Variants in ATF2 observed in about 807,000 individuals in gnomAD.
The protein encoded by ATF2 is activating transcription factor 2, also known as cyclic AMP-dependent transcription factor ATF-2.
A neutral mutation model predicts 60.6 loss-of-function variants in ATF2; 24 were observed. That is an observed-to-expected ratio of 0.40 (90% CI 0.29 to 0.56). The LOEUF is 0.56. Ranked by LOEUF, ATF2 falls within the 20% of genes least tolerant of loss-of-function variation. ATF2 has a pLI of 0.54. For missense variants in ATF2, 433 were observed against 607.7 expected (o/e 0.71, Z 3.02); for synonymous variants, 206 against 215.4 (o/e 0.96, Z 0.38).
intron 7 of ATF2, among the ~76,000 whole-genome samples, chr2:175,117,636 A>C (rs1417922202): frequency 6.6e-6 from 1 of 152,022 alleles, no homozygotes; most frequent in Non-Finnish European, 1.5e-5. Flanking sequence ...AAAGTCTAAA[A>C]AACCACTGTT....
At chr2:175,116,646 G>C (rs1375381659) in intron 7 of ATF2, among the ~76,000 whole-genome samples, 3 of 148,778 alleles carry the variant, frequency 2.0e-5, no homozygotes, top group African/African-American at 5.0e-5. Context: ...AAGAGGTCCA[G>C]ATTTTTTTTT....
intron 7 of ATF2, among the ~76,000 whole-genome samples, chr2:175,116,103 T>C (rs1696546110): frequency 6.6e-6 from 1 of 152,116 alleles, no homozygotes; most frequent in South Asian, 2.1e-4. Context: ...GAGTGTGAAT[T>C]ATTTTAAATA....
chr2:175,129,585 TGTCTA>T (rs1697586973), intron 4 of ATF2, among the ~76,000 whole-genome samples: 1 of 152,074 alleles, frequency 6.6e-6, no homozygotes, highest in Admixed American at 6.5e-5. Context: ...TAATTCTTCC[TGTCTA>T]TAGTTATTTT....
intron 10 of ATF2, among the ~76,000 whole-genome samples, chr2:175,103,097 A>G (rs977645746): frequency 6.6e-5 from 10 of 152,216 alleles, no homozygotes; most frequent in Admixed American, 2.0e-4. Flanking sequence ...CACCCTTGAA[A>G]ATAAATTTTA....
Position 175,074,790 on chromosome 2 carries a change from C to T in ATF2, c.1337G>A (p.Ser446Asn). 2 of 1,613,504 alleles carry T rather than the reference C, an allele frequency of 1.2e-6. No individual in the cohort carries two copies. The highest frequency in any genetic ancestry group is 1.7e-6 in the Non-Finnish European group (2 of 1,179,624). ...ATGCTGTATAGCTTCTGTATGTGGA[C>T]TACTCGGCACTGAAATGTCTTCTGA... ...DSSEDISVPS[S>N]PHTEAIQHSS... Residue 446 changes from serine (S) to asparagine (N), a missense_variant, in exon 14 of 14, where the codon AGT becomes AAT. By Grantham distance (46) the Ser-to-Asn change is conservative. Coordinates refer to ENST00000264110, the MANE Select transcript of ATF2 (RefSeq NM_001880.4).
At chr2:175,130,077 T>C (rs1031708530) in intron 4 of ATF2, 61 bp downstream of exon 4, 3 of 1,186,606 alleles carry the variant, frequency 2.5e-6, no homozygotes, top group Admixed American at 2.2e-5. Context: ...TAACATATTA[T>C]ATCATCAATG....
intron 4 of ATF2, among the ~76,000 whole-genome samples, chr2:175,126,282 T>C (rs2105734194): frequency 6.6e-6 from 1 of 152,338 alleles, no homozygotes; most frequent in South Asian, 2.1e-4. Context: ...TCTCCTCCTC[T>C]TTCTGACTTT....
At chr2:175,119,482 T>G (rs1263585462) in intron 5 of ATF2, among the ~76,000 whole-genome samples, 2 of 151,576 alleles carry the variant, frequency 1.3e-5, no homozygotes, top group African/African-American at 2.4e-5. Context: ...CATGTATACC[T>G]AGAGGACTAG....
chr2:175,118,336 T>C lies in ATF2; in HGVS notation c.233A>G (p.Asn78Ser). 1 of 1,610,498 alleles carries C rather than the reference T, an allele frequency of 6.2e-7. No individual in the cohort carries two copies. The highest frequency in any genetic ancestry group is 8.5e-7 in the Non-Finnish European group (1 of 1,178,242). ...ATTAAACAAACCCACTTCTTCACAG[T>C]TTTTCAAGAATCTTGTTGGTGTTGG... The part of the protein sequence containing the change: ...QTPTPTRFLK[N>S]CEEVGLFNEL... Residue 78 changes from asparagine to serine, a missense_variant, in exon 6 of 14, where the codon AAC (asparagine) becomes AGC (serine). Transcript: ENST00000264110.
intron 8 of ATF2, chr2:175,114,485 TTTG>T: frequency 3.9e-6 from 5 of 1,283,532 alleles, no homozygotes; most frequent in Non-Finnish European, 4.9e-6. Context: ...ACATTCTATA[TTTG>T]TTTTTAGTTG....
chr2:175,137,824 C>A (rs1055740955), intron 2 of ATF2, among the ~76,000 whole-genome samples: 1 of 152,068 alleles, frequency 6.6e-6, no homozygotes, highest in African/African-American at 2.4e-5. Flanking sequence ...AACTCCATTC[C>A]CTTATTACCA....
intron 2 of ATF2, among the ~76,000 whole-genome samples, chr2:175,144,936 G>A (rs62184522): frequency 0.036 from 5,534 of 152,288 alleles, 120 homozygotes; most frequent in Admixed American, 0.091. Flanking sequence ...ATGTAAATAC[G>A]TGGATATTGA....
intron 2 of ATF2, among the ~76,000 whole-genome samples, chr2:175,137,817 T>TC (rs1698241150): frequency 6.6e-6 from 1 of 152,072 alleles, no homozygotes. Context: ...AAATAAAAAC[T>TC]CCATTCCCTT....
At chr2:175,136,586 G>T in intron 2 of ATF2, 100 bp from the exon 3 acceptor site, 1 of 742,754 alleles carries the variant, frequency 1.3e-6, no homozygotes, top group Non-Finnish European at 2.3e-6. Flanking sequence ...TAACACTACT[G>T]TCACCCCAAA....
chr2:175,138,214 CT>C (rs1698266984), intron 2 of ATF2, among the ~76,000 whole-genome samples: 1 of 152,122 alleles, frequency 6.6e-6, no homozygotes, highest in Non-Finnish European at 1.5e-5. Context: ...TCTCTTAACT[CT>C]TCTTCTAACA....
intron 1 of ATF2, among the ~76,000 whole-genome samples, chr2:175,158,340 C>T (rs1342500667): frequency 2.0e-5 from 3 of 151,328 alleles, no homozygotes; most frequent in Admixed American, 2.0e-4. Flanking sequence ...ATCCTCCCAC[C>T]TCAACCTCCT....
At chr2:175,120,605 T>C (rs901268306) in intron 5 of ATF2, among the ~76,000 whole-genome samples, 1 of 151,680 alleles carries the variant, frequency 6.6e-6, no homozygotes, top group Non-Finnish European at 1.5e-5. Flanking sequence ...TTATATGACA[T>C]ATAACAAGCT....
chr2:175,147,160 C>T (rs959414405), intron 2 of ATF2, among the ~76,000 whole-genome samples: 2 of 152,036 alleles, frequency 1.3e-5, no homozygotes, highest in Admixed American at 1.3e-4. Context: ...GCTCCTTGTT[C>T]CCTTTTTAAA....
intron 10 of ATF2, among the ~76,000 whole-genome samples, chr2:175,108,702 C>T (rs1695938370): frequency 6.6e-6 from 1 of 152,168 alleles, no homozygotes; most frequent in Non-Finnish European, 1.5e-5. Context: ...GAGAACGGGC[C>T]ATGATGACGA....
Sources: gnomAD v4.1 joint callset for allele counts (sites outside exome capture counted in the v4.1 genomes callset) on GRCh38, gnomAD v4.1.1 for gene constraint, MANE v1.5 for transcripts, NCBI Gene and HGNC (gene_info 2026-07-23, HGNC 2026-07-21) for gene names.